ZNF438: variants seen among roughly 807,000 people sequenced by gnomAD.
The protein encoded by ZNF438 is zinc finger protein 438.
A neutral mutation model predicts 38.0 loss-of-function variants in ZNF438; 25 were observed. The observed-to-expected ratio is 0.66, with a 90% CI of 0.48 to 0.92. The LOEUF (loss-of-function observed/expected upper bound fraction) is 0.92, where lower values mean the gene tolerates loss of function less well. Among genes scored for constraint, ZNF438 ranks in the 40% least tolerant of loss-of-function variants. The probability of loss-of-function intolerance (pLI) is 0.00; values close to 1 mark genes in which losing one functional copy is unlikely to be tolerated. For synonymous variants in ZNF438, 372 were observed against 364.1 expected (o/e 1.02, Z -0.25); for missense variants, 1,007 against 999.6 (o/e 1.01, Z -0.10).
intron 5 of ZNF438, among the ~76,000 whole-genome samples, chr10:30,847,992 C>G (rs946842441): frequency 6.6e-6 from 1 of 152,194 alleles, no homozygotes; most frequent in Non-Finnish European, 1.5e-5. Context: ...CAGGCCAAGG[C>G]GCCACTGGCC....
chr10:30,997,829 T>G (rs1002494113), intron 1 of ZNF438, among the ~76,000 whole-genome samples: 1 of 152,050 alleles, frequency 6.6e-6, no homozygotes, highest in African/African-American at 2.4e-5. Flanking sequence ...ATTCTTGGAG[T>G]TAAAGCTGCC....
intron 4 of ZNF438, among the ~76,000 whole-genome samples, chr10:30,863,972 C>A (rs1055442252): frequency 3.3e-5 from 5 of 152,176 alleles, no homozygotes; most frequent in Non-Finnish European, 5.9e-5. Flanking sequence ...CCCTAAGAGA[C>A]TCTTGGCGGC....
chr10:30,941,806 A>G (rs995592414), intron 1 of ZNF438, among the ~76,000 whole-genome samples, 155 bp from the exon 3 acceptor site: 4 of 152,232 alleles, frequency 2.6e-5, no homozygotes, highest in Non-Finnish European at 4.4e-5. Flanking sequence ...TTAAGAACCT[A>G]AAATAAAAAT....
chr10:31,009,102 T>C (rs1002224625), intron 1 of ZNF438, among the ~76,000 whole-genome samples: 1 of 152,324 alleles, frequency 6.6e-6, no homozygotes, highest in East Asian at 1.9e-4. Flanking sequence ...TTTAATGGGG[T>C]ATTTTTGTCT....
intron 4 of ZNF438, among the ~76,000 whole-genome samples, chr10:30,874,134 AT>A (rs2038015422): frequency 3.0e-5 from 2 of 65,856 alleles, no homozygotes; most frequent in Admixed American, 2.8e-4. Context: ...ATATATATAT[AT>A]ATATATATAT....
chr10:30,877,020 T>C lies in ZNF438; in HGVS notation c.15A>G (p.Val5=), dbSNP rs556080099. 38 of 1,606,398 alleles carry C rather than the reference T, an allele frequency of 2.4e-5. No individual in the cohort carries two copies. In the East Asian group the frequency reaches 5.6e-4, roughly 24 times the overall value. ...TACCTTCATCTTTTGGTGGTACTGATACAGAATTCTGCATTATGATGTACT... is the reference window on the plus strand; with the variant it reads ...TACCTTCATCTTTTGGTGGTACTGACACAGAATTCTGCATTATGATGTACT... Residue 5 remains valine, a synonymous_variant, in exon 4 of 6, where the codon GTA becomes GTG. Transcript: ENST00000413025.
At chr10:30,857,861 C>T in intron 4 of ZNF438, 1 of 846,466 alleles carries the variant, frequency 1.2e-6, no homozygotes, top group Non-Finnish European at 1.6e-6. Context: ...TCTTACCCAG[C>T]TTTATTAAAC....
At chr10:30,915,019 A>C (rs182012850) in intron 2 of ZNF438, among the ~76,000 whole-genome samples, 1 of 152,164 alleles carries the variant, frequency 6.6e-6, no homozygotes, top group Non-Finnish European at 1.5e-5. Flanking sequence ...AAAATCAAGG[A>C]ACTTTAAACC....
At chr10:30,938,917 C>T (rs1054134871) in intron 2 of ZNF438, among the ~76,000 whole-genome samples, 3 of 152,122 alleles carry the variant, frequency 2.0e-5, no homozygotes. Context: ...GCCTCAGCCT[C>T]CTGAGTAGCT....
At chr10:30,860,631 T>G (rs1364584632) in intron 4 of ZNF438, among the ~76,000 whole-genome samples, 8 of 152,226 alleles carry the variant, frequency 5.3e-5, no homozygotes, top group Non-Finnish European at 7.3e-5. Context: ...TGCCAGGCTC[T>G]TTGATTCCCT....
At chr10:30,988,911 A>C (rs1330320448) in intron 1 of ZNF438, among the ~76,000 whole-genome samples, 1 of 152,122 alleles carries the variant, frequency 6.6e-6, no homozygotes, top group East Asian at 1.9e-4. Flanking sequence ...TGTTGTGTGA[A>C]GGTCTCTGTG....
chr10:30,892,708 C>A (rs1317940601), intron 3 of ZNF438, among the ~76,000 whole-genome samples: 1 of 152,168 alleles, frequency 6.6e-6, no homozygotes, highest in Non-Finnish European at 1.5e-5. Context: ...CCTTTCTGGG[C>A]ACCCTTTCAG....
intron 3 of ZNF438, among the ~76,000 whole-genome samples, chr10:30,906,823 T>C (rs1469578345): frequency 6.6e-6 from 1 of 152,244 alleles, no homozygotes; most frequent in Admixed American, 6.5e-5. Context: ...TATTATCATG[T>C]GACTTCTGTT....
chr10:30,979,750 G>A (rs956394924), intron 1 of ZNF438, among the ~76,000 whole-genome samples: 1 of 152,156 alleles, frequency 6.6e-6, no homozygotes, highest in African/African-American at 2.4e-5. Context: ...CTATTATTGT[G>A]TGGGAGTCTA....
intron 1 of ZNF438, among the ~76,000 whole-genome samples, chr10:30,976,742 A>T (rs879576882): frequency 7.8e-4 from 10 of 12,838 alleles, no homozygotes; most frequent in African/African-American, 2.0e-3. Flanking sequence ...TTATTTAATA[A>T]AAAAAAAAAA....
intron 1 of ZNF438, among the ~76,000 whole-genome samples, chr10:31,013,205 G>C (rs915952779): frequency 3.9e-5 from 6 of 152,108 alleles, no homozygotes; most frequent in African/African-American, 1.4e-4. Context: ...TGTAGTCCCA[G>C]CTACTCGGGA....
intron 2 of ZNF438, among the ~76,000 whole-genome samples, chr10:30,939,530 G>A (rs1224502238): frequency 1.3e-5 from 2 of 152,222 alleles, no homozygotes; most frequent in Admixed American, 1.3e-4. Flanking sequence ...CCACCCATGT[G>A]AAAGGATAGA....
intron 4 of ZNF438, among the ~76,000 whole-genome samples, chr10:30,871,216 T>C (rs2037353358): frequency 6.6e-6 from 1 of 152,168 alleles, no homozygotes; most frequent in Non-Finnish European, 1.5e-5. Context: ...TTGGTTTTAT[T>C]TTCCCCCCTT....
At chr10:31,006,778 C>CA (rs1554919221) in intron 1 of ZNF438, among the ~76,000 whole-genome samples, 2 of 68,610 alleles carry the variant, frequency 2.9e-5, no homozygotes, top group South Asian at 5.5e-4. Context: ...TGGCGGGGGG[C>CA]GGGGGGGGGA....
Sources: allele counts gnomAD v4.1 joint callset (sites outside exome capture counted in the v4.1 genomes callset), GRCh38; gene constraint gnomAD v4.1.1; transcripts MANE v1.5; gene names NCBI Gene and HGNC (gene_info 2026-07-23, HGNC 2026-07-21).